ZNF24: variants seen among roughly 807,000 people sequenced by gnomAD.
ZNF24 encodes zinc finger protein 24.
In ZNF24, 11 loss-of-function variants were observed where a neutral mutation model predicts 40.9. The observed-to-expected ratio is 0.27, with a 90% confidence interval of 0.17 to 0.45. The LOEUF (loss-of-function observed/expected upper bound fraction) is 0.45. Ranked by LOEUF, ZNF24 falls within the 20% of genes least tolerant of loss-of-function variation. The probability of loss-of-function intolerance (pLI) is 1.00; values close to 1 mark genes in which losing one functional copy is unlikely to be tolerated. For synonymous variants in ZNF24, 139 were observed against 154.7 expected, an observed-to-expected ratio of 0.90 and a Z score of 0.75; for missense variants, 293 against 437.7, an observed-to-expected ratio of 0.67 and a Z score of 2.95.
chr18:35,338,754 C>A (rs545713997), intron 3 of ZNF24: 2 of 1,227,338 alleles, frequency 1.6e-6, no homozygotes, highest in Non-Finnish European at 2.0e-6. Context: ...TGGAGACAAA[C>A]GGCACACAGG....
At chr18:35,338,310 A>G in intron 3 of ZNF24, 1 of 985,522 alleles carries the variant, frequency 1.0e-6, no homozygotes, top group East Asian at 1.1e-4. Flanking sequence ...GCTGAAGATA[A>G]GCTGGGGGCC....
rs1362101055 is a variant in ZNF24, at chr18:35,333,288, A to C, written c.*3944T>G. The C allele has an allele frequency of 1.3e-5, 2 of 152,186 alleles. No individual in the cohort carries two copies. Among genetic ancestry groups the C allele is most frequent in the African/African-American group, 4.8e-5 (2 of 41,454 alleles). 9.4% of individuals were successfully genotyped at this position (152,186 alleles called of 1,614,324 possible). On this transcript the variant is annotated 3_prime_UTR_variant, in exon 4 of 4. Transcript: ENST00000261332. Reference sequence around the variant, plus strand: ...ACCTGTTATCTTTTTTTGAGACCAAAATTTTAAAAAGCTACAGAATATGAG... The same window carrying C: ...ACCTGTTATCTTTTTTTGAGACCAACATTTTAAAAAGCTACAGAATATGAG...
rs762546513 is a variant in ZNF24, at chr18:35,340,222, CA to C, written c.420+8del. ...CTTCTGACACAGGAAATGACACAAG[CA>C]GGCTCACCGGTTGTCCAGGGTCATC... is the stretch of plus-strand genomic sequence containing the variant. On this transcript the variant is annotated splice_region_variant and intron_variant, in intron 2 of 3. Transcript: ENST00000261332. This position sits in a 1 kb window ranked among gnomAD's most constrained non-coding sequence, Gnocchi z 4.6. The C allele has an allele frequency of 4.4e-6, 7 of 1,607,254 alleles. No homozygotes were observed. The highest frequency in any genetic ancestry group is 8.5e-7 in the Non-Finnish European group (1 of 1,174,456).
chr18:35,340,111 G>A lies in ZNF24; in HGVS notation c.420+120C>T. On this transcript the variant is annotated intron_variant, in intron 2 of 3. Transcript: ENST00000261332. The surrounding 1 kb of genome is among the most constrained non-coding windows in gnomAD (Gnocchi z 4.6). ...GCGGCACAGATAACAAGGAGTGGTAGGGGAATGGGGGAAAAGGCATAAACA... is the reference window on the plus strand; with the variant it reads ...GCGGCACAGATAACAAGGAGTGGTAAGGGAATGGGGGAAAAGGCATAAACA... The A allele has an allele frequency of 6.7e-7, 1 of 1,483,476 alleles. No individual in the cohort carries two copies. Among genetic ancestry groups the A allele is most frequent in the South Asian group, 1.3e-5 (1 of 76,942 alleles). The allele number at this position is 1,483,476 out of a possible 1,614,324, so 91.9% of individuals were successfully genotyped here.
At position 35,336,102 on chromosome 18, in the gene ZNF24, A is replaced by G. The variant is rs2044905834; in HGVS notation, c.*1130T>C. ...ACAAGGGGAAGAGGCTAACTCACAT[A>G]AAACAGCAAACCCCTATGATTTACA... On this transcript the variant is annotated 3_prime_UTR_variant, in exon 4 of 4. Coordinates refer to ENST00000261332, the MANE Select transcript of ZNF24 (RefSeq NM_006965.4). 1 of 152,652 alleles carries G rather than the reference A, an allele frequency of 6.6e-6. No individual in the cohort carries two copies. The highest frequency in any genetic ancestry group is 2.1e-4 in the South Asian group (1 of 4,836). The allele number at this position is 152,652 out of a possible 1,614,324, so 9.5% of individuals were successfully genotyped here.
At position 35,340,474 on chromosome 18, in the gene ZNF24, T is replaced by A. The variant is rs929319020; in HGVS notation, c.177A>T (p.Gly59=). ...EIFRQRFRQF[G]YQDSPGPREA... is the part of the protein sequence containing the mutation. The stretch of plus-strand genomic sequence containing the variant: ...CACGGGGCCCAGGTGAATCCTGGTA[T>A]CCAAACTGCCTGAATCGCTGTCGGA... The change falls in exon 2 of 4, where the codon GGA becomes GGT. Residue 59 remains glycine, a synonymous_variant. Transcript: ENST00000261332. This position sits in a 1 kb window ranked among gnomAD's most constrained non-coding sequence, Gnocchi z 4.6. The A allele has an allele frequency of 6.2e-7, 1 of 1,614,128 alleles. No homozygotes were observed. The highest frequency in any genetic ancestry group is 1.3e-5 in the African/African-American group (1 of 74,938).
intron 3 of ZNF24, chr18:35,338,707 T>G: frequency 8.8e-7 from 1 of 1,137,790 alleles, no homozygotes; most frequent in Non-Finnish European, 1.1e-6. Context: ...ATAGTGAGGC[T>G]TGGAGACTTG....
chr18:35,338,886 T>C (rs1200813829), intron 3 of ZNF24: 25 of 1,391,316 alleles, frequency 1.8e-5, no homozygotes, highest in Non-Finnish European at 2.3e-5. Flanking sequence ...TCAAGAATGA[T>C]ACTTCTCAAA....
In ZNF24 at chr18:35,336,255, A is replaced by G. The variant is rs7239712; in HGVS notation, c.*977T>C. ...CTGACGTTCAACCCTTTTGTACCAA[A>G]GGAATAAAAAATAGGTAACCTGATA... On this transcript the variant is annotated 3_prime_UTR_variant, in exon 4 of 4. Coordinates refer to ENST00000261332, the MANE Select transcript of ZNF24 (RefSeq NM_006965.4). 0.31 allele frequency: 47,727 copies of G among 152,514 alleles called. 7,736 individuals carry two copies. Among genetic ancestry groups the G allele is most frequent in the Non-Finnish European group, 0.36 (24,725 of 67,948 alleles). The allele number at this position is 152,514 out of a possible 1,614,324, so 9.4% of individuals were successfully genotyped here.
Position 35,337,407 on chromosome 18 carries a change from T to C in ZNF24, c.932A>G (p.Glu311Gly). Residue 311 changes from glutamate (E) to glycine (G), a missense_variant, in exon 4 of 4, where the codon GAA (glutamate) becomes GGA (glycine). Transcript: ENST00000261332. ...ATTCTGGCTAAAGGCTTTCCCACAT[T>C]CAAGACATTTGTAAGGTTTTTCTCC... is the stretch of plus-strand genomic sequence containing the variant. ...HTGEKPYKCL[E>G]CGKAFSQNSG... 1 of 1,614,088 alleles carries C rather than the reference T, an allele frequency of 6.2e-7. No homozygotes were observed. Among genetic ancestry groups the C allele is most frequent in the Non-Finnish European group, 8.5e-7 (1 of 1,179,960 alleles).
chr18:35,339,552 T>C (rs556395740), intron 3 of ZNF24, among the ~76,000 whole-genome samples: 1 of 152,256 alleles, frequency 6.6e-6, no homozygotes, highest in South Asian at 2.1e-4. Context: ...ATAGAGGGAC[T>C]TGGTCCATGG....
Position 35,339,909 on chromosome 18 carries a change from C to A in ZNF24, c.488G>T (p.Gly163Val). ...EDMVSQEEAQ[G>V]LPSSELDAVE... ...AGCATCAAGCTCAGAACTTGGTAAT[C>A]CCTGAGCTTCTTCTTGAGATACCAT... Residue 163 changes from glycine to valine, a missense_variant, in exon 3 of 4, where the codon GGA becomes GTA. Physicochemically the swap from Gly to Val is moderately radical, Grantham distance 109 (BLOSUM62 -3). Transcript: ENST00000261332. 1 of 1,613,532 alleles carries A rather than the reference C, an allele frequency of 6.2e-7. No individual in the cohort carries two copies. Among genetic ancestry groups the A allele is most frequent in the Non-Finnish European group, 8.5e-7 (1 of 1,179,510 alleles).
In ZNF24 at chr18:35,335,739, A is replaced by C. The variant is rs1338540625; in HGVS notation, c.*1493T>G. ...CTACTACAATGTATTACTTTAATAC[A>C]TTTTAAAAAATGTGTTAAGACTGAA... is the stretch of plus-strand genomic sequence containing the variant. On this transcript the variant is annotated 3_prime_UTR_variant, in exon 4 of 4. Transcript: ENST00000261332. The C allele has an allele frequency of 6.6e-6, 1 of 152,232 alleles. No homozygotes were observed. Among genetic ancestry groups the C allele is most frequent in the Non-Finnish European group, 1.5e-5 (1 of 68,042 alleles). The allele number at this position is 152,232 out of a possible 1,614,324, so 9.4% of individuals were successfully genotyped here.
At position 35,337,581 on chromosome 18, in the gene ZNF24, CAT is replaced by C; in HGVS notation, c.756_757del (p.Ile252MetfsTer2). On this transcript the variant is annotated frameshift_variant, in exon 4 of 4. Transcript: ENST00000261332. LOFTEE classifies it high-confidence loss of function. ...ACTGAAGTGTTTTCCACATTCATCA[CAT>C]ATATGTTGTTTCTTTCGAGAGGGAT... The C allele has an allele frequency of 6.2e-7, 1 of 1,614,152 alleles. No homozygotes were observed. The highest frequency in any genetic ancestry group is 1.1e-5 in the South Asian group (1 of 91,088).
rs1489275828 is a variant in ZNF24, at chr18:35,340,683, G to A, written c.-33C>T. 1 of 1,592,416 alleles carries A rather than the reference G, an allele frequency of 6.3e-7. No homozygotes were observed. Among genetic ancestry groups the A allele is most frequent in the South Asian group, 1.1e-5 (1 of 89,056 alleles). ...TATAATATTTCAAGAAAAGACAACT[G>A]AGGCAGAATATAAGCCTCAGGGCAA... On this transcript the variant is annotated 5_prime_UTR_variant, in exon 2 of 4. Transcript: ENST00000261332. The surrounding 1 kb of genome is among the most constrained non-coding windows in gnomAD (Gnocchi z 4.6).
rs372773859 is a variant in ZNF24, at chr18:35,337,682, G to A, written c.657C>T (p.Leu219=). 3.7e-6 allele frequency: 6 copies of A among 1,613,282 alleles called. No individual in the cohort carries two copies. The highest frequency in any genetic ancestry group is 1.3e-5 in the African/African-American group (1 of 74,904). The change falls in exon 4 of 4, where the codon CTC becomes CTT. Residue 219 remains leucine (L), a synonymous_variant. Coordinates refer to ENST00000261332, the MANE Select transcript of ZNF24 (RefSeq NM_006965.4). ...TAAAAATTTGAGGAACACCCATATT[G>A]AGAGTGCCAGGAACTTCATGGGATT... ...ALESHEVPGT[L]NMGVPQIFKY...
chr18:35,338,717 G>C, intron 3 of ZNF24: 2 of 1,153,700 alleles, frequency 1.7e-6, no homozygotes, highest in Non-Finnish European at 2.1e-6. Context: ...TTGGAGACTT[G>C]AAAAACAGAG....
intron 1 of ZNF24, chr18:35,343,873 G>A (rs1232287701): frequency 1.3e-5 from 2 of 153,316 alleles, no homozygotes; most frequent in East Asian, 1.9e-4. Context: ...CCCGGCCCCG[G>A]CCCGACGTCC....
At chr18:35,341,514 A>C (rs1378733755) in intron 1 of ZNF24, among the ~76,000 whole-genome samples, 2 of 152,226 alleles carry the variant, frequency 1.3e-5, no homozygotes, top group Admixed American at 6.5e-5. Flanking sequence ...AAAAAAGTTA[A>C]CTGCAAAATG....
Sources: allele counts gnomAD v4.1 joint callset (sites outside exome capture counted in the v4.1 genomes callset), GRCh38; gene constraint gnomAD v4.1.1; non-coding constraint Gnocchi (gnomAD v3.1); transcripts MANE v1.5; gene names NCBI Gene and HGNC (gene_info 2026-07-23, HGNC 2026-07-21).